Variants in HDGF observed in about 807,000 individuals in gnomAD.
HDGF encodes heparin binding growth factor.
In HDGF, 5 loss-of-function variants were observed where a neutral mutation model predicts 30.0. That is an observed-to-expected ratio of 0.17 (90% CI 0.09 to 0.35). HDGF has a LOEUF of 0.35. Ranked by LOEUF, HDGF falls within the 10% of genes least tolerant of loss-of-function variation. HDGF has a pLI of 1.00. For missense variants in HDGF, 214 were observed against 302.8 expected (o/e 0.71, Z 2.18); for synonymous variants, 133 against 112.7 (o/e 1.18, Z -1.14).
Position 156,743,635 on chromosome 1 carries a change from T to C in HDGF, c.716+17A>G. ...CCCCCCTAGTCCAGCTGCCAAGGGG[T>C]CAGGGGGCTCACTCACCTCTCATGA... On this transcript the variant is annotated intron_variant, in intron 5 of 5. Transcript: ENST00000357325. The C allele has an allele frequency of 6.3e-7, 1 of 1,593,708 alleles. No individual in the cohort carries two copies. The highest frequency in any genetic ancestry group is 8.6e-7 in the Non-Finnish European group (1 of 1,161,850).
chr1:156,762,588 T>C lies in HDGF; in HGVS notation n.137-3369A>G, dbSNP rs187970733. 7.4e-4 allele frequency among the ~76,000 whole-genome samples: 112 copies of C among 150,538 alleles called. 5 individuals carry two copies. The highest frequency in any genetic ancestry group is 1.2e-4 in the Non-Finnish European group (8 of 67,450). ...TTGTCATACTAAAAACTTTACATCA[T>C]GGCCAGGCGCGGTGGCTCATGCCTG... is the stretch of plus-strand genomic sequence containing the variant. On this transcript the variant is annotated intron_variant and non_coding_transcript_variant, in intron 1 of 7. Coordinates refer to the HDGF transcript ENST00000465180.
intron 4 of HDGF, 138 bp from the exon 5 acceptor site, chr1:156,744,016 G>T: frequency 9.5e-7 from 1 of 1,049,474 alleles, no homozygotes; most frequent in Non-Finnish European, 1.5e-6. Flanking sequence ...TGCCTTCTGT[G>T]TCCCATCTGG....
chr1:156,751,889 G>T, upstream of HDGF: 1 of 951,686 alleles, frequency 1.1e-6, no homozygotes, highest in Non-Finnish European at 1.5e-6. The surrounding 1 kb of genome is among the most constrained non-coding windows in gnomAD (Gnocchi z 4.7). Flanking sequence ...GACGGCGCGT[G>T]GCGGCACAGG....
chr1:156,745,555 A>G (rs2102707101), intron 1 of HDGF, among the ~76,000 whole-genome samples, 182 bp from the exon 2 acceptor site: 1 of 152,256 alleles, frequency 6.6e-6, no homozygotes, highest in South Asian at 2.1e-4. Context: ...TCAGACATGA[A>G]AGCCCAACAG....
chr1:156,765,769 G>T (rs11264541), intron 1 of HDGF, among the ~76,000 whole-genome samples: 6,467 of 152,088 alleles, frequency 0.043, 483 homozygotes, highest in African/African-American at 0.15. Flanking sequence ...CACCACACCC[G>T]GCCTACTTTA....
rs77572380 is a variant in HDGF at position 156,745,479 on chromosome 1, G to A, written c.88-106C>T. ...ATTTATATAAAATCAGACTGAGAGG[G>A]ACCCAGGATAGTCAGCAAGATGGCT... On this transcript the variant is annotated intron_variant, in intron 1 of 5. Coordinates refer to ENST00000357325, the MANE Select transcript of HDGF (RefSeq NM_004494.3). The A allele has an allele frequency of 8.9e-4, 803 of 899,548 alleles. 3 individuals are homozygous for A. The East Asian group carries it at 0.016, about 18-fold the overall frequency. The allele number at this position is 899,548 out of a possible 1,614,324, so 55.7% of individuals were successfully genotyped here. A position where few individuals can be genotyped will look rare whatever the true frequency, so the allele number is the denominator to read the frequency against.
Position 156,751,632 on chromosome 1 carries a change from G to C in HDGF, c.-203C>G. 1.0e-6 allele frequency: 1 copy of C among 995,108 alleles called. No individual in the cohort carries two copies. Among genetic ancestry groups the C allele is most frequent in the Non-Finnish European group, 1.2e-6 (1 of 837,144 alleles). 61.6% of individuals were successfully genotyped at this position (995,108 alleles called of 1,614,324 possible). ...CGGGGCGGGCGCGGATCGGGGCAAG[G>C]CTCCGGCGCGGTGGGTGCGCGCTCG... On this transcript the variant is annotated 5_prime_UTR_variant, in exon 1 of 6. Coordinates refer to ENST00000357325, the MANE Select transcript of HDGF (RefSeq NM_004494.3). This position sits in a 1 kb window ranked among gnomAD's most constrained non-coding sequence, Gnocchi z 4.7.
In HDGF at chr1:156,751,529, C is replaced by G; in HGVS notation, c.-100G>C. On this transcript the variant is annotated 5_prime_UTR_variant, in exon 1 of 6. Transcript: ENST00000357325. This position sits in a 1 kb window ranked among gnomAD's most constrained non-coding sequence, Gnocchi z 4.7. ...CGGCGCCGCTCCGCTCCGGCCCTCG[C>G]GCGGCCCCCGCCTCGATGGTGGCCC... 2.9e-6 allele frequency: 3 copies of G among 1,043,344 alleles called. No homozygotes were observed. Among genetic ancestry groups the G allele is most frequent in the Non-Finnish European group, 3.5e-6 (3 of 865,778 alleles). The allele number at this position is 1,043,344 out of a possible 1,614,324, so 64.6% of individuals were successfully genotyped here.
chr1:156,744,803 TCA>T (rs1650410579), intron 3 of HDGF, among the ~76,000 whole-genome samples: 2 of 152,230 alleles, frequency 1.3e-5, no homozygotes, highest in South Asian at 4.2e-4. Flanking sequence ...GACTGCTGTC[TCA>T]CAGTTGTCCC....
chr1:156,743,496 G>T, intron 5 of HDGF, 41 bp from the exon 6 acceptor site: 2 of 1,569,860 alleles, frequency 1.3e-6, no homozygotes, highest in African/African-American at 1.4e-5. Context: ...TAATGGTGTG[G>T]CCTTGGCCTG....
upstream of HDGF, among the ~76,000 whole-genome samples, chr1:156,754,480 A>G (rs1571559719): frequency 1.3e-5 from 2 of 152,220 alleles, no homozygotes; most frequent in Non-Finnish European, 2.9e-5. Flanking sequence ...TGCTCCTTAC[A>G]GTAACGTCAT....
In HDGF at chr1:156,751,218, A is replaced by G. The variant is rs1571555539; in HGVS notation, c.87+125T>C. On this transcript the variant is annotated intron_variant, in intron 1 of 5. Coordinates refer to ENST00000357325, the MANE Select transcript of HDGF (RefSeq NM_004494.3). This position sits in a 1 kb window ranked among gnomAD's most constrained non-coding sequence, Gnocchi z 4.7. Reference sequence around the variant, plus strand: ...GTGGGCTTGGAAGCGACAGAGAAAGAGCCGGAGACCTACAAGCCCCCTGCC... The same window carrying G: ...GTGGGCTTGGAAGCGACAGAGAAAGGGCCGGAGACCTACAAGCCCCCTGCC... The G allele has an allele frequency of 8.2e-7, 1 of 1,219,466 alleles. No individual in the cohort carries two copies. Among genetic ancestry groups the G allele is most frequent in the African/African-American group, 1.6e-5 (1 of 62,426 alleles). 75.5% of individuals were successfully genotyped at this position (1,219,466 alleles called of 1,614,324 possible). A position where few individuals can be genotyped will look rare whatever the true frequency, so the allele number is the denominator to read the frequency against.
At position 156,744,998 on chromosome 1, in the gene HDGF, G is replaced by A. The variant is rs1162084838; in HGVS notation, c.303+10C>T. On this transcript the variant is annotated intron_variant, in intron 3 of 5. Transcript: ENST00000357325. ...TTTCCAGGGGGTCTCTGGGGCAGGC[G>A]GTGGCTCACCTGATAGCCGGAAGCC... The A allele has an allele frequency of 5.0e-6, 8 of 1,613,638 alleles. No individual in the cohort carries two copies. The highest frequency in any genetic ancestry group is 2.2e-5 in the East Asian group (1 of 44,842).
intron 1 of HDGF, among the ~76,000 whole-genome samples, chr1:156,764,784 G>T (rs1280776381): frequency 1.3e-5 from 2 of 151,636 alleles, no homozygotes; most frequent in Non-Finnish European, 2.9e-5. Flanking sequence ...TACTCGGGAG[G>T]CTGAGGCACA....
upstream of HDGF, among the ~76,000 whole-genome samples, chr1:156,756,636 G>C (rs1651157207): frequency 6.6e-6 from 1 of 152,144 alleles, no homozygotes; most frequent in Non-Finnish European, 1.5e-5. Flanking sequence ...GCTTGGAGCA[G>C]TGCCTGGCAC....
chr1:156,751,940 G>A (rs1292772628), upstream of HDGF: 43 of 1,154,758 alleles, frequency 3.7e-5, no homozygotes, highest in Non-Finnish European at 5.1e-5. This position sits in a 1 kb window ranked among gnomAD's most constrained non-coding sequence, Gnocchi z 4.7. Context: ...CAGGCTTTGT[G>A]TGCCCGCGGT....
chr1:156,749,474 A>C (rs969917342), intron 1 of HDGF, among the ~76,000 whole-genome samples: 2 of 152,220 alleles, frequency 1.3e-5, no homozygotes, highest in Non-Finnish European at 2.9e-5. Flanking sequence ...ATCAAGAGCC[A>C]GAGACAGGCA....
At chr1:156,763,664 C>T (rs1651298687) in intron 1 of HDGF, among the ~76,000 whole-genome samples, 1 of 150,744 alleles carries the variant, frequency 6.6e-6, no homozygotes, top group South Asian at 2.1e-4. Flanking sequence ...TGGCTGACTG[C>T]AGCCTCTGCC....
Position 156,744,995 on chromosome 1 carries a change from G to C in HDGF, c.303+13C>G, listed in dbSNP as rs1442280022. On this transcript the variant is annotated intron_variant, in intron 3 of 5. Transcript: ENST00000357325. ...TGCTTTCCAGGGGGTCTCTGGGGCAGGCGGTGGCTCACCTGATAGCCGGAA... is the reference window on the plus strand; with the variant it reads ...TGCTTTCCAGGGGGTCTCTGGGGCACGCGGTGGCTCACCTGATAGCCGGAA... The C allele has an allele frequency of 1.9e-6, 3 of 1,613,846 alleles. No individual in the cohort carries two copies. Among genetic ancestry groups the C allele is most frequent in the Non-Finnish European group, 8.5e-7 (1 of 1,179,792 alleles).
Sources: allele counts gnomAD v4.1 joint callset (sites outside exome capture counted in the v4.1 genomes callset), GRCh38; gene constraint gnomAD v4.1.1; non-coding constraint Gnocchi (gnomAD v3.1); transcripts MANE v1.5; gene names NCBI Gene and HGNC (gene_info 2026-07-23, HGNC 2026-07-21).